The following POLR1E variants were observed in gnomAD, a reference collection of about 807,000 sequenced individuals.
POLR1E encodes RNA polymerase I subunit E, also known as DNA-directed RNA polymerase I subunit RPA49.
POLR1E carries 37 observed loss-of-function variants against 50.9 expected under a neutral mutation model. That is an observed-to-expected ratio of 0.73 (90% CI 0.56 to 0.96). The LOEUF (loss-of-function observed/expected upper bound fraction) is 0.96, where lower values mean the gene tolerates loss of function less well. Ranked by LOEUF, POLR1E falls within the 40% of genes least tolerant of loss-of-function variation. POLR1E has a pLI of 0.00. For synonymous variants in POLR1E, 166 were observed against 191.6 expected, an observed-to-expected ratio of 0.87 and a Z score of 1.10; for missense variants, 426 against 518.1, an observed-to-expected ratio of 0.82 and a Z score of 1.73.
Position 37,503,232 on chromosome 9 carries a change from C to A in POLR1E, c.*30C>A. The A allele has an allele frequency of 6.4e-7, 1 of 1,571,590 alleles. No individual in the cohort carries two copies. ...ATGCTTTCCAGACAGGGCGTTTTGG[C>A]TGCATCACAGCCACTGGCTGGTCCT... On this transcript the variant is annotated 3_prime_UTR_variant, in exon 12 of 12. Coordinates refer to ENST00000377798, the MANE Select transcript of POLR1E (RefSeq NM_022490.4).
chr9:37,490,680 G>T, intron 4 of POLR1E: 1 of 698,848 alleles, frequency 1.4e-6, no homozygotes, highest in Non-Finnish European at 2.6e-6. Context: ...TTACAACAAT[G>T]CCAGCAGCAT....
rs866853795 is a variant in POLR1E at position 37,497,717 on chromosome 9, A to G, written c.753-374A>G. ...CTGCACTGAACCATGTTCTCCTATT[A>G]TAAGGAGTGTTGAGTGTACTGGCCC... is the stretch of plus-strand genomic sequence containing the variant. On this transcript the variant is annotated intron_variant, in intron 8 of 11. Transcript: ENST00000377798. 1.4e-4 allele frequency among the ~76,000 whole-genome samples: 21 copies of G among 152,116 alleles called. 1 individual carries two copies. The highest frequency in any genetic ancestry group is 3.3e-4 in the Admixed American group (5 of 15,280).
chr9:37,496,528 A>G (rs947744681), intron 8 of POLR1E, among the ~76,000 whole-genome samples: 8 of 151,666 alleles, frequency 5.3e-5, no homozygotes, highest in Non-Finnish European at 8.8e-5. Context: ...TTATTTTGAT[A>G]AAGAGTTGTC....
chr9:37,495,421 G>A lies in POLR1E; in HGVS notation c.655+145G>A, dbSNP rs117190757. ...ACCTTTGCAGTTGCTCAGTGCTCTT[G>A]CCAGGAGGTTAACTTGGCTTCCTCA... is the stretch of plus-strand genomic sequence containing the variant. On this transcript the variant is annotated intron_variant, in intron 7 of 11. Transcript: ENST00000377798. 773 of 704,152 alleles carry A rather than the reference G, an allele frequency of 1.1e-3. 5 individuals carry two copies. In the East Asian group the frequency reaches 0.014, roughly 13 times the overall value. 43.6% of individuals were successfully genotyped at this position (704,152 alleles called of 1,614,324 possible).
Position 37,503,187 on chromosome 9 carries a change from G to C in POLR1E, c.1245G>C (p.Arg415=), listed in dbSNP as rs1188998072. ...PAQTSDRLAK[R]RKIT Reference sequence around the variant, plus strand: ...AGACCTCAGACCGCCTGGCAAAGCGGAGGAAGATTACCTAGACGCATGCTT... The same window carrying C: ...AGACCTCAGACCGCCTGGCAAAGCGCAGGAAGATTACCTAGACGCATGCTT... Residue 415 remains arginine, a synonymous_variant, in exon 12 of 12, where the codon CGG becomes CGC. Coordinates refer to ENST00000377798, the MANE Select transcript of POLR1E (RefSeq NM_022490.4). The C allele has an allele frequency of 6.2e-7, 1 of 1,610,384 alleles. No individual in the cohort carries two copies. The highest frequency in any genetic ancestry group is 1.7e-5 in the Admixed American group (1 of 59,340).
chr9:37,500,519 T>C (rs1820866710), intron 9 of POLR1E, among the ~76,000 whole-genome samples: 1 of 152,164 alleles, frequency 6.6e-6, no homozygotes, highest in Non-Finnish European at 1.5e-5. Context: ...AATTCCACCT[T>C]TCCCCCTCTC....
At chr9:37,486,515 C>T in intron 1 of POLR1E, 188 bp from the exon 2 acceptor site, 1 of 1,557,966 alleles carries the variant, frequency 6.4e-7, no homozygotes, top group Non-Finnish European at 8.7e-7. Context: ...CAGGGTTCTC[C>T]CACCTCCCTA....
At chr9:37,486,630 G>C (rs752124432) in intron 1 of POLR1E, 73 bp from the exon 2 acceptor site, 1 of 1,614,130 alleles carries the variant, frequency 6.2e-7, no homozygotes, top group East Asian at 2.2e-5. Flanking sequence ...TGACAGTCTA[G>C]TCCCACCGTA....
In POLR1E at chr9:37,498,204, A is replaced by C. The variant is rs553817101; in HGVS notation, c.866A>C (p.His289Pro). ...FLDTLIKFRA[H>P]RVVKRKSALG... Reference sequence around the variant, plus strand: ...GATACCCTCATCAAATTTCGAGCTCATAGGGTAGTTAAGCGGAAAAGTAAG... The same window carrying C: ...GATACCCTCATCAAATTTCGAGCTCCTAGGGTAGTTAAGCGGAAAAGTAAG... Residue 289 changes from histidine to proline, a missense_variant, in exon 9 of 12, where the codon CAT becomes CCT. By Grantham distance (77) the His-to-Pro change is moderately conservative. Transcript: ENST00000377798. 1 of 1,613,862 alleles carries C rather than the reference A, an allele frequency of 6.2e-7. No homozygotes were observed. The highest frequency in any genetic ancestry group is 1.1e-5 in the South Asian group (1 of 91,010).
Position 37,486,035 on chromosome 9 carries a change from A to G in POLR1E, c.-13A>G, listed in dbSNP as rs1361885274. ...CTGTCTTAACTCCTGTGCTTGGCGG[A>G]CAGACAGGCGAGATGGCGGCGGAGG... is the stretch of plus-strand genomic sequence containing the variant. On this transcript the variant is annotated 5_prime_UTR_variant, in exon 1 of 12. Coordinates refer to ENST00000377798, the MANE Select transcript of POLR1E (RefSeq NM_022490.4). The G allele has an allele frequency of 1.3e-6, 2 of 1,596,220 alleles. No homozygotes were observed. Among genetic ancestry groups the G allele is most frequent in the Admixed American group, 3.6e-5 (2 of 55,820 alleles).
rs1820873738 is a variant in POLR1E, at chr9:37,500,844, T to C, written c.891T>C (p.Ala297=). The C allele has an allele frequency of 1.4e-5, 22 of 1,612,502 alleles. No homozygotes were observed. In the East Asian group the frequency reaches 4.0e-4, roughly 29 times the overall value. ...RAHRVVKRKS[A]LGPGVPHIIN... ...AAACTCAACTTTGTGTTGTAGGTGC[T>C]CTGGGACCTGGAGTTCCCCACATCA... Residue 297 remains alanine, a synonymous_variant, in exon 10 of 12, where the codon GCT becomes GCC. Coordinates refer to ENST00000377798, the MANE Select transcript of POLR1E (RefSeq NM_022490.4).
At chr9:37,498,991 A>T (rs1387735517) in intron 9 of POLR1E, among the ~76,000 whole-genome samples, 1 of 152,232 alleles carries the variant, frequency 6.6e-6, no homozygotes. Flanking sequence ...CACCTAGGCT[A>T]TATGCTATAA....
chr9:37,490,856 T>G, intron 4 of POLR1E: 1 of 565,682 alleles, frequency 1.8e-6, no homozygotes, highest in Non-Finnish European at 3.4e-6. Flanking sequence ...AGAGAACATA[T>G]ATTGGGTGCC....
rs568173063 is a variant in POLR1E at position 37,485,979 on chromosome 9, C to T, written c.-69C>T. 35 of 1,550,588 alleles carry T rather than the reference C, an allele frequency of 2.3e-5. No homozygotes were observed. In the African/African-American group the frequency reaches 2.3e-4, roughly 10 times the overall value. ...CGGCCCGCAGCGCGGCCTGGGCTCC[C>T]GCGTGTTTAAAAGTGCGCTTGTGGC... On this transcript the variant is annotated 5_prime_UTR_variant, in exon 1 of 12. Coordinates refer to ENST00000377798, the MANE Select transcript of POLR1E (RefSeq NM_022490.4).
intron 8 of POLR1E, 118 bp from the exon 9 acceptor site, chr9:37,497,973 C>G (rs2119014930): frequency 1.7e-6 from 2 of 1,191,834 alleles, no homozygotes; most frequent in East Asian, 4.9e-5. Flanking sequence ...AGGGTTTCAT[C>G]AGCTGTTGAG....
At chr9:37,488,483 C>T (rs1046231340) in intron 3 of POLR1E, among the ~76,000 whole-genome samples, 1 of 151,984 alleles carries the variant, frequency 6.6e-6, no homozygotes, top group East Asian at 1.9e-4. Flanking sequence ...GTGATGGTAC[C>T]CAACAATGAA....
chr9:37,494,561 C>T (rs1439044425), intron 6 of POLR1E, among the ~76,000 whole-genome samples: 3 of 152,128 alleles, frequency 2.0e-5, no homozygotes, highest in Non-Finnish European at 4.4e-5. Flanking sequence ...CTTCAGCCTC[C>T]CAAGTGGCTG....
intron 4 of POLR1E, among the ~76,000 whole-genome samples, chr9:37,489,867 C>A (rs1820649036): frequency 6.6e-6 from 1 of 152,222 alleles, no homozygotes; most frequent in Non-Finnish European, 1.5e-5. Context: ...AGCCACTGCG[C>A]CCGGCCTAGA....
rs773936041 is a variant in POLR1E at position 37,487,887 on chromosome 9, T to C, written c.205T>C (p.Tyr69His). ...ILAAETDRLS[Y>H]VGNNFGTGAL... ...GGCAGCTGAAACAGATAGGCTCTCC[T>C]ATGTGGGAAACAATTTTGGGACTGG... Residue 69 changes from tyrosine (Y) to histidine (H), a missense_variant, in exon 3 of 12, where the codon TAT (tyrosine) becomes CAT (histidine). Coordinates refer to ENST00000377798, the MANE Select transcript of POLR1E (RefSeq NM_022490.4). 3 of 1,614,224 alleles carry C rather than the reference T, an allele frequency of 1.9e-6. No individual in the cohort carries two copies. The highest frequency in any genetic ancestry group is 2.5e-6 in the Non-Finnish European group (3 of 1,180,026).
Sources: allele counts gnomAD v4.1 joint callset (sites outside exome capture counted in the v4.1 genomes callset), GRCh38; gene constraint gnomAD v4.1.1; transcripts MANE v1.5; gene names NCBI Gene and HGNC (gene_info 2026-07-23, HGNC 2026-07-21).